Variants in DLGAP2 observed in about 807,000 individuals in gnomAD.
DLGAP2 encodes the protein DLG associated protein 2, also known as disks large-associated protein 2.
A neutral mutation model predicts 100.3 loss-of-function variants in DLGAP2; 26 were observed. That is an observed-to-expected ratio of 0.26 (90% CI 0.19 to 0.36). DLGAP2 has a LOEUF of 0.36. Among genes scored for constraint, DLGAP2 ranks in the 10% least tolerant of loss-of-function variants. DLGAP2 has a pLI of 1.00. For missense variants in DLGAP2, 1,858 were observed against 1,453.2 expected, an observed-to-expected ratio of 1.28 and a Z score of -4.53; for synonymous variants, 886 against 630.1, an observed-to-expected ratio of 1.41 and a Z score of -6.08.
At chr8:1,317,342 C>T (rs1367160937) in intron 3 of DLGAP2, among the ~76,000 whole-genome samples, 3 of 129,776 alleles carry the variant, frequency 2.3e-5, no homozygotes, top group Admixed American at 8.2e-5. Flanking sequence ...GTCTCTCCAA[C>T]AGTGGTCTAC....
intron 3 of DLGAP2, among the ~76,000 whole-genome samples, chr8:1,440,230 T>TA (rs1797790670): frequency 6.6e-6 from 1 of 152,336 alleles, no homozygotes; most frequent in South Asian, 2.1e-4. Context: ...AATTGTGGTA[T>TA]AAATCGGGTA....
At chr8:1,198,959 G>A (rs1261025468) in intron 2 of DLGAP2, among the ~76,000 whole-genome samples, 1 of 152,242 alleles carries the variant, frequency 6.6e-6, no homozygotes, top group Non-Finnish European at 1.5e-5. Context: ...CTTGGCAAGG[G>A]CTATACCAGT....
intron 3 of DLGAP2, among the ~76,000 whole-genome samples, chr8:1,497,266 T>C (rs956126089): frequency 1.3e-5 from 2 of 152,244 alleles, no homozygotes; most frequent in Non-Finnish European, 2.9e-5. Context: ...AGGTCGGCGC[T>C]GTCAGTTTCA....
At chr8:1,656,605 C>T (rs1798290619) in intron 8 of DLGAP2, among the ~76,000 whole-genome samples, 1 of 152,162 alleles carries the variant, frequency 6.6e-6, no homozygotes, top group South Asian at 2.1e-4. Flanking sequence ...TGAGGAAAGT[C>T]AGTTTTTACA....
chr8:1,468,897 C>T (rs1798704584), intron 3 of DLGAP2, among the ~76,000 whole-genome samples: 1 of 152,154 alleles, frequency 6.6e-6, no homozygotes, highest in Admixed American at 6.5e-5. Flanking sequence ...CGTGTCCATC[C>T]TGCTGTGCTC....
rs533347338 is a variant in DLGAP2, at chr8:1,350,739, T to A, written c.106+91856T>A. Among the ~76,000 whole-genome samples, 153 of 36,252 alleles carry A rather than the reference T, an allele frequency of 4.2e-3. No individual in the cohort carries two copies. In the East Asian group the frequency reaches 0.06, roughly 14 times the overall value. 23.8% of individuals were successfully genotyped at this position (36,252 alleles called of 152,430 possible). Reference sequence around the variant, plus strand: ...GTGGAAAGGCCGTGCGGGTCCTGAGTGTGTGTGGAAAGGCCGCGCGGGTCC... The same window carrying A: ...GTGGAAAGGCCGTGCGGGTCCTGAGAGTGTGTGGAAAGGCCGCGCGGGTCC... On this transcript the variant is annotated intron_variant, in intron 3 of 14. Transcript: ENST00000637795.
At position 1,637,707 on chromosome 8, in the gene DLGAP2, G is replaced by A. The variant is rs140710183; in HGVS notation, c.1810+4661G>A. Among the ~76,000 whole-genome samples, 658 of 152,316 alleles carry A rather than the reference G, an allele frequency of 4.3e-3. 4 individuals are homozygous for A. Among genetic ancestry groups the A allele is most frequent in the African/African-American group, 0.014 (575 of 41,568 alleles). On this transcript the variant is annotated intron_variant, in intron 8 of 14. Coordinates refer to ENST00000637795, the MANE Select transcript of DLGAP2 (RefSeq NM_001346810.2). Reference sequence around the variant, plus strand: ...ATTTATTAAGTGTTTGCTGTGTGCCGGCCGCTGCGCTAAGTGCTCTGAATC... The same window carrying A: ...ATTTATTAAGTGTTTGCTGTGTGCCAGCCGCTGCGCTAAGTGCTCTGAATC...
At chr8:1,177,736 A>T (rs537205892) in intron 2 of DLGAP2, among the ~76,000 whole-genome samples, 55 of 152,220 alleles carry the variant, frequency 3.6e-4, no homozygotes, top group Admixed American at 3.5e-3. Flanking sequence ...AGCAGGTTCG[A>T]TGTCTGGTGA....
At chr8:1,065,956 C>A (rs1803231340) in intron 2 of DLGAP2, among the ~76,000 whole-genome samples, 1 of 152,222 alleles carries the variant, frequency 6.6e-6, no homozygotes, top group Admixed American at 6.5e-5. Context: ...TCAGAGGAGA[C>A]ACTGCCGAGC....
At chr8:1,433,998 T>G (rs149389997) in intron 3 of DLGAP2, among the ~76,000 whole-genome samples, 287 of 152,256 alleles carry the variant, frequency 1.9e-3, no homozygotes, top group East Asian at 0.016. Flanking sequence ...AAGAAGGGAC[T>G]TGGGCATCTC....
intron 1 of DLGAP2, among the ~76,000 whole-genome samples, chr8:847,440 G>T (rs1797091524): frequency 6.6e-6 from 1 of 151,622 alleles, no homozygotes; most frequent in Non-Finnish European, 1.5e-5. Flanking sequence ...TCTTTTTCAT[G>T]TAACTCTGAC....
intron 1 of DLGAP2, among the ~76,000 whole-genome samples, chr8:756,984 A>G (rs901692725): frequency 6.6e-6 from 1 of 152,116 alleles, no homozygotes; most frequent in Non-Finnish European, 1.5e-5. Flanking sequence ...GGGTGCCCGC[A>G]ATGGGTCTTC....
At chr8:1,272,951 G>A (rs1281232164) in intron 3 of DLGAP2, among the ~76,000 whole-genome samples, 1 of 152,154 alleles carries the variant, frequency 6.6e-6, no homozygotes, top group Non-Finnish European at 1.5e-5. Context: ...TGTGCCGTGG[G>A]TTATGGAACC....
chr8:1,589,455 G>T (rs991977041), intron 6 of DLGAP2, among the ~76,000 whole-genome samples: 6 of 152,088 alleles, frequency 3.9e-5, no homozygotes, highest in South Asian at 2.1e-4. Context: ...AATTTTTTTT[G>T]AGGTAGGGTC....
At chr8:767,248 G>C (rs111658170) in intron 1 of DLGAP2, among the ~76,000 whole-genome samples, 2,784 of 151,864 alleles carry the variant, frequency 0.018, 63 homozygotes, top group African/African-American at 0.065. Flanking sequence ...AAAAACACAG[G>C]AACACCAGCC....
At chr8:852,150 TA>T (rs141059913) in intron 1 of DLGAP2, among the ~76,000 whole-genome samples, 13,159 of 148,438 alleles carry the variant, frequency 0.089, 625 homozygotes, top group Admixed American at 0.12. Flanking sequence ...CATTGGAAGC[TA>T]AAAAAAAAAC....
chr8:1,573,160 TA>T (rs199829883), intron 6 of DLGAP2, among the ~76,000 whole-genome samples: 1,261 of 84,998 alleles, frequency 0.015, 48 homozygotes, highest in African/African-American at 0.05. Flanking sequence ...ACTGGAGGGG[TA>T]ATCTGATGAG....
At chr8:1,437,366 C>G (rs766437463) in intron 3 of DLGAP2, among the ~76,000 whole-genome samples, 12 of 152,256 alleles carry the variant, frequency 7.9e-5, no homozygotes, top group Non-Finnish European at 1.6e-4. Flanking sequence ...TTACGTTTCT[C>G]TGAATGTGCC....
rs118051867 is a variant in DLGAP2 at position 1,389,279 on chromosome 8, G to A, written c.107-112087G>A. ...GCGACGTGGCTTCCTCCCAGTCAGT[G>A]GGGAGGGGACTCTGGAGGAGGAGGA... is the stretch of plus-strand genomic sequence containing the variant. On this transcript the variant is annotated intron_variant, in intron 3 of 14. Transcript: ENST00000637795. Among the ~76,000 whole-genome samples the A allele has an allele frequency of 2.7e-3, 369 of 138,740 alleles. 13 individuals are homozygous for A. The East Asian group carries it at 0.059, about 22-fold the overall frequency. The allele number at this position is 138,740 out of a possible 152,430, so 91.0% of individuals were successfully genotyped here.
Sources: gnomAD v4.1 joint callset for allele counts (sites outside exome capture counted in the v4.1 genomes callset) on GRCh38, gnomAD v4.1.1 for gene constraint, MANE v1.5 for transcripts, NCBI Gene and HGNC (gene_info 2026-07-23, HGNC 2026-07-21) for gene names.